KIAA1549: variants seen among roughly 807,000 people sequenced by gnomAD.
KIAA1549 encodes the protein UPF0606 protein KIAA1549.
In KIAA1549, 70 loss-of-function variants were observed where a neutral mutation model predicts 156.4. That is an observed-to-expected ratio of 0.45 (90% confidence interval 0.37 to 0.55). The LOEUF (loss-of-function observed/expected upper bound fraction) is 0.55, where lower values mean the gene tolerates loss of function less well. Among genes scored for constraint, KIAA1549 ranks in the 20% least tolerant of loss-of-function variants. The pLI is 0.00. For missense variants in KIAA1549, 2,428 were observed against 2,540.9 expected, an observed-to-expected ratio of 0.96 and a Z score of 0.96; for synonymous variants, 1,103 against 1,066.4, an observed-to-expected ratio of 1.03 and a Z score of -0.67.
chr7:138,917,391 G>A lies in KIAA1549; in HGVS notation c.2235C>T (p.Thr745=). 1 of 1,613,916 alleles carries A rather than the reference G, an allele frequency of 6.2e-7. No individual in the cohort carries two copies. The highest frequency in any genetic ancestry group is 1.1e-5 in the South Asian group (1 of 91,084). ...AGGAGGTAGTTTCAATGAAAGCTGA[G>A]GTAAAATGAGCTTCTGAATCCGTCA... ...VSLTDSEAHF[T]SAFIETTSYL... Residue 745 remains threonine, a synonymous_variant, in exon 2 of 20, where the codon ACC becomes ACT. Coordinates refer to ENST00000422774, the MANE Select transcript of KIAA1549 (RefSeq NM_001164665.2).
chr7:138,927,015 C>A (rs1812738962), intron 1 of KIAA1549, among the ~76,000 whole-genome samples: 1 of 152,082 alleles, frequency 6.6e-6, no homozygotes, highest in Non-Finnish European at 1.5e-5. Flanking sequence ...ATGTATGTAG[C>A]CCTAAAGAAT....
rs1809704417 is a variant in KIAA1549 at position 138,836,277 on chromosome 7, T to C, written c.*1629A>G. 1.5e-5 allele frequency: 3 copies of C among 204,202 alleles called. No homozygotes were observed. In the East Asian group the frequency reaches 2.3e-4, roughly 15 times the overall value. The allele number at this position is 204,202 out of a possible 1,614,324, so 12.6% of individuals were successfully genotyped here. A position where few individuals can be genotyped will look rare whatever the true frequency, so the allele number is the denominator to read the frequency against. On this transcript the variant is annotated 3_prime_UTR_variant, in exon 20 of 20. Transcript: ENST00000422774. ...ACCATACCTTTTCTATGTTTAGCTA[T>C]GTTTAGATACACAAATACTTACCAT...
chr7:138,914,750 T>G (rs573570202), intron 2 of KIAA1549, among the ~76,000 whole-genome samples: 1 of 152,320 alleles, frequency 6.6e-6, no homozygotes, highest in East Asian at 1.9e-4. Context: ...TCTGGACATT[T>G]ACAAAAACTG....
In KIAA1549 at chr7:138,918,051, G is replaced by C. The variant is rs767593887; in HGVS notation, c.1575C>G (p.His525Gln). The C allele has an allele frequency of 6.2e-7, 1 of 1,612,500 alleles. No homozygotes were observed. Among genetic ancestry groups the C allele is most frequent in the South Asian group, 1.1e-5 (1 of 90,694 alleles). The change falls in exon 2 of 20, where the codon CAC becomes CAG. Residue 525 changes from histidine to glutamine, a missense_variant. His to Gln is a conservative substitution (Grantham distance 24). Transcript: ENST00000422774. The surrounding 1 kb of genome is among the most constrained non-coding windows in gnomAD (Gnocchi z 4.2). ...SVTTTQVPPA[H>Q]GRLSVPASLD... ...GTGACGCCGGCACAGAGAGGCGGCC[G>C]TGGGCAGGGGGAACCTGTGTGGTTG...
intron 1 of KIAA1549, among the ~76,000 whole-genome samples, chr7:138,923,310 T>C (rs1357452800): frequency 6.6e-6 from 1 of 152,160 alleles, no homozygotes; most frequent in Non-Finnish European, 1.5e-5. Flanking sequence ...GAATAAATGA[T>C]AAACATAAGG....
At chr7:138,938,869 G>C (rs143500392) in intron 1 of KIAA1549, among the ~76,000 whole-genome samples, 1 of 152,048 alleles carries the variant, frequency 6.6e-6, no homozygotes, top group Non-Finnish European at 1.5e-5. Context: ...CCAATACGGC[G>C]AAACCCTGTG....
intron 1 of KIAA1549, among the ~76,000 whole-genome samples, chr7:138,929,882 A>T (rs148391844): frequency 1.8e-3 from 276 of 152,264 alleles, no homozygotes; most frequent in Admixed American, 3.3e-3. Flanking sequence ...TTTTGTAGAG[A>T]TAAGGTCTCA....
intron 17 of KIAA1549, among the ~76,000 whole-genome samples, chr7:138,848,005 AAC>A (rs1810129008): frequency 6.6e-6 from 1 of 152,342 alleles, no homozygotes; most frequent in East Asian, 1.9e-4. Context: ...GCAGAAATAA[AAC>A]AGATTTTTGT....
intron 17 of KIAA1549, among the ~76,000 whole-genome samples, chr7:138,846,112 C>A (rs1286083485): frequency 6.6e-6 from 1 of 152,122 alleles, no homozygotes; most frequent in East Asian, 1.9e-4. Flanking sequence ...TTTTGACTGC[C>A]TCACCAAGGA....
In KIAA1549 at chr7:138,903,741, A is replaced by G. The variant is rs1201605094; in HGVS notation, c.3521-5T>C. 1 of 1,583,162 alleles carries G rather than the reference A, an allele frequency of 6.3e-7. No individual in the cohort carries two copies. Among genetic ancestry groups the G allele is most frequent in the Non-Finnish European group, 8.6e-7 (1 of 1,164,232 alleles). On this transcript the variant is annotated splice_region_variant and splice_polypyrimidine_tract_variant and intron_variant, in intron 7 of 19. Transcript: ENST00000422774. Reference sequence around the variant, plus strand: ...TCTCCATGACGCCCAGGAGAACTACATTTAAATGAAAACATACGTGGCACC... The same window carrying G: ...TCTCCATGACGCCCAGGAGAACTACGTTTAAATGAAAACATACGTGGCACC...
chr7:138,912,975 C>T (rs1812212997), intron 2 of KIAA1549, among the ~76,000 whole-genome samples: 1 of 152,176 alleles, frequency 6.6e-6, no homozygotes, highest in South Asian at 2.1e-4. Flanking sequence ...CCCGGGTTCA[C>T]ACCATTCTCC....
intron 17 of KIAA1549, among the ~76,000 whole-genome samples, chr7:138,844,715 G>A (rs1031054520): frequency 2.0e-5 from 3 of 152,062 alleles, no homozygotes; most frequent in Non-Finnish European, 4.4e-5. Context: ...GCTGACAAAA[G>A]CCAGGGCCTG....
At chr7:138,933,204 T>C (rs1163396867) in intron 1 of KIAA1549, among the ~76,000 whole-genome samples, 2 of 152,182 alleles carry the variant, frequency 1.3e-5, no homozygotes, top group South Asian at 2.1e-4. Flanking sequence ...AGGGAGATGG[T>C]ACCTGGAGGG....
intron 9 of KIAA1549, among the ~76,000 whole-genome samples, chr7:138,898,670 T>C (rs545597653): frequency 1.3e-5 from 2 of 152,132 alleles, no homozygotes; most frequent in African/African-American, 4.8e-5. Context: ...AAAAAAGTAG[T>C]AGTACAGGAA....
intron 1 of KIAA1549, among the ~76,000 whole-genome samples, chr7:138,979,212 G>T (rs1268209062): frequency 2.6e-5 from 4 of 152,210 alleles, no homozygotes; most frequent in Admixed American, 6.5e-5. Context: ...TTAATTTCAT[G>T]TCTCCAGGTT....
At chr7:138,932,107 T>C (rs1293271029) in intron 1 of KIAA1549, among the ~76,000 whole-genome samples, 1 of 152,182 alleles carries the variant, frequency 6.6e-6, no homozygotes, top group Non-Finnish European at 1.5e-5. Context: ...CTTGAACCAG[T>C]ATGGAAATCA....
chr7:138,946,435 G>C (rs565345051), intron 1 of KIAA1549, among the ~76,000 whole-genome samples: 81 of 152,264 alleles, frequency 5.3e-4, no homozygotes, highest in African/African-American at 1.9e-3. Context: ...TGGCTATGGG[G>C]AGAGGAGGAA....
In KIAA1549 at chr7:138,980,968, G is replaced by A. The variant is rs997557141; in HGVS notation, c.187+115C>T. The A allele has an allele frequency of 1.0e-4, 97 of 959,448 alleles. 1 individual carries two copies. The African/African-American group carries it at 1.3e-3, about 13-fold the overall frequency. 59.4% of individuals were successfully genotyped at this position (959,448 alleles called of 1,614,324 possible). A position where few individuals can be genotyped will look rare whatever the true frequency, so the allele number is the denominator to read the frequency against. ...GGCAAAGCATCTTCCAGAAAGGACGGCGAGGGAGCTGGAGAATAAAAGAGG... is the reference window on the plus strand; with the variant it reads ...GGCAAAGCATCTTCCAGAAAGGACGACGAGGGAGCTGGAGAATAAAAGAGG... On this transcript the variant is annotated intron_variant, in intron 1 of 19. Coordinates refer to ENST00000422774, the MANE Select transcript of KIAA1549 (RefSeq NM_001164665.2).
chr7:138,886,693 A>C (rs559498877), intron 10 of KIAA1549, among the ~76,000 whole-genome samples: 9 of 152,306 alleles, frequency 5.9e-5, no homozygotes, highest in East Asian at 3.9e-4. Context: ...ATTTACAAAA[A>C]TGAAACAAAA....
Sources: allele counts gnomAD v4.1 joint callset (sites outside exome capture counted in the v4.1 genomes callset), GRCh38; gene constraint gnomAD v4.1.1; non-coding constraint Gnocchi (gnomAD v3.1); transcripts MANE v1.5; gene names NCBI Gene and HGNC (gene_info 2026-07-23, HGNC 2026-07-21).